Variants in ASB3 observed in about 807,000 individuals in gnomAD.
ASB3 encodes ankyrin repeat and SOCS box containing 3.
A neutral mutation model predicts 54.5 loss-of-function variants in ASB3; 41 were observed. The ratio of observed to expected loss-of-function variants is 0.75; its 90% CI spans 0.59 to 0.98. ASB3 has a LOEUF of 0.98. Ranked by LOEUF, ASB3 falls within the 50% of genes least tolerant of loss-of-function variation. ASB3 has a pLI of 0.00. For synonymous variants in ASB3, 266 were observed against 221.2 expected, an observed-to-expected ratio of 1.20 and a Z score of -1.80; for missense variants, 733 against 620.0, an observed-to-expected ratio of 1.18 and a Z score of -1.94.
intron 1 of ASB3, among the ~76,000 whole-genome samples, chr2:53,765,944 T>C (rs572802564): frequency 3.0e-4 from 40 of 132,762 alleles, no homozygotes; most frequent in Admixed American, 2.9e-4. Context: ...TGGTGCTCCA[T>C]TGATAAGAGC....
chr2:53,699,047 T>G lies in ASB3; in HGVS notation c.1238+1224A>C, dbSNP rs1669339625. Reference sequence around the variant, plus strand: ...TGGGTAATTTATAAAGAAAGTACATTTATTTCTTACAGTTCTGGAGACTGG... The same window carrying G: ...TGGGTAATTTATAAAGAAAGTACATGTATTTCTTACAGTTCTGGAGACTGG... On this transcript the variant is annotated intron_variant, in intron 8 of 9. Coordinates refer to ENST00000263634, the MANE Select transcript of ASB3 (RefSeq NM_016115.5). 2.0e-5 allele frequency among the ~76,000 whole-genome samples: 3 copies of G among 152,190 alleles called. No homozygotes were observed. In the South Asian group the frequency reaches 6.2e-4, roughly 32 times the overall value.
intron 9 of ASB3, among the ~76,000 whole-genome samples, chr2:53,683,382 T>C (rs988284215): frequency 1.3e-5 from 2 of 152,030 alleles, no homozygotes; most frequent in East Asian, 1.9e-4. Flanking sequence ...TTTTGTTGAG[T>C]ATCAATATTC....
At chr2:53,783,169 ATAAATATT>A (rs1258981014) in intron 1 of ASB3, among the ~76,000 whole-genome samples, 2 of 152,264 alleles carry the variant, frequency 1.3e-5, no homozygotes, top group Admixed American at 6.5e-5. Context: ...GGAATGGGAC[ATAAATATT>A]TAAAAGTTAT....
chr2:53,755,973 T>A lies in ASB3; in HGVS notation c.197-5032A>T, dbSNP rs553736932. On this transcript the variant is annotated intron_variant, in intron 2 of 9. Coordinates refer to ENST00000263634, the MANE Select transcript of ASB3 (RefSeq NM_016115.5). ...TTTGAGACCAACCTGGACAAAATAG[T>A]AAGACCCCCCCCCCACCTCTACAAA... 1.3e-3 allele frequency among the ~76,000 whole-genome samples: 187 copies of A among 141,084 alleles called. 2 individuals are homozygous for A. Among genetic ancestry groups the A allele is most frequent in the African/African-American group, 4.9e-3 (187 of 38,216 alleles). The allele number at this position is 141,084 out of a possible 152,430, so 92.6% of individuals were successfully genotyped here.
chr2:53,734,545 C>T (rs1189219043), intron 3 of ASB3, among the ~76,000 whole-genome samples: 1 of 152,172 alleles, frequency 6.6e-6, no homozygotes, highest in Non-Finnish European at 1.5e-5. Flanking sequence ...ACTAGAGATA[C>T]AGAAGTGAAC....
At chr2:53,759,916 T>C (rs1673050222) in intron 2 of ASB3, among the ~76,000 whole-genome samples, 1 of 152,068 alleles carries the variant, frequency 6.6e-6, no homozygotes, top group Admixed American at 6.6e-5. Flanking sequence ...GTATGCTTGA[T>C]CATTGAGGGC....
chr2:53,750,760 T>G lies in ASB3; in HGVS notation c.355+23A>C, dbSNP rs370379125. The G allele has an allele frequency of 2.7e-6, 4 of 1,471,004 alleles. No homozygotes were observed. The African/African-American group carries it at 5.8e-5, about 21-fold the overall frequency. 91.1% of individuals were successfully genotyped at this position (1,471,004 alleles called of 1,614,324 possible). A position where few individuals can be genotyped will look rare whatever the true frequency, so the allele number is the denominator to read the frequency against. On this transcript the variant is annotated intron_variant, in intron 3 of 9. Transcript: ENST00000263634. The stretch of plus-strand genomic sequence containing the variant: ...AATAATAATGATGAAAAATTGCATC[T>G]GCACCACAAATAGCATACTTACCTA...
At chr2:53,746,427 C>T (rs1263934097) in intron 3 of ASB3, among the ~76,000 whole-genome samples, 1 of 151,884 alleles carries the variant, frequency 6.6e-6, no homozygotes, top group African/African-American at 2.4e-5. Context: ...TTTTTCCATA[C>T]ACAACACTGA....
At chr2:53,728,963 GA>G in intron 4 of ASB3, 116 bp from the exon 5 acceptor site, 1 of 1,229,814 alleles carries the variant, frequency 8.1e-7, no homozygotes, top group Admixed American at 2.8e-5. Context: ...TAACTTGAAG[GA>G]AAAAACAAAA....
At chr2:53,708,750 A>G (rs961809264) in intron 7 of ASB3, among the ~76,000 whole-genome samples, 2 of 152,176 alleles carry the variant, frequency 1.3e-5, no homozygotes, top group African/African-American at 4.8e-5. Context: ...TTAGCAAAGA[A>G]CCTGAATGCA....
At chr2:53,769,772 G>A (rs970568586) in intron 1 of ASB3, among the ~76,000 whole-genome samples, 8 of 152,154 alleles carry the variant, frequency 5.3e-5, no homozygotes, top group East Asian at 1.9e-4. Flanking sequence ...CGCTTGGGAG[G>A]CAGACGTTGC....
At chr2:53,687,986 T>C (rs546418066) in intron 9 of ASB3, among the ~76,000 whole-genome samples, 4 of 152,066 alleles carry the variant, frequency 2.6e-5, no homozygotes, top group African/African-American at 9.7e-5. Flanking sequence ...TCTGGCTAAT[T>C]TTCTTATTTT....
chr2:53,731,905 G>A lies in ASB3; in HGVS notation c.356-2335C>T, dbSNP rs147379223. On this transcript the variant is annotated intron_variant, in intron 3 of 9. Coordinates refer to ENST00000263634, the MANE Select transcript of ASB3 (RefSeq NM_016115.5). Reference sequence around the variant, plus strand: ...TGACCTCAGGTGATCCACCAGCCTCGGCCTCCCAAAGTGCTGGGATTACAG... The same window carrying A: ...TGACCTCAGGTGATCCACCAGCCTCAGCCTCCCAAAGTGCTGGGATTACAG... 7.1e-3 allele frequency among the ~76,000 whole-genome samples: 1,067 copies of A among 150,750 alleles called. 12 individuals are homozygous for A. The highest frequency in any genetic ancestry group is 0.024 in the African/African-American group (992 of 40,980).
chr2:53,675,193 C>T (rs1163447585), intron 9 of ASB3, among the ~76,000 whole-genome samples: 2 of 152,098 alleles, frequency 1.3e-5, no homozygotes, highest in East Asian at 1.9e-4. Flanking sequence ...AGTGAAACAC[C>T]ACACAAATCC....
chr2:53,682,637 C>T (rs535212760), intron 9 of ASB3, among the ~76,000 whole-genome samples: 7 of 152,008 alleles, frequency 4.6e-5, no homozygotes, highest in South Asian at 2.1e-4. Context: ...CCACCACGCC[C>T]GGCTAATTTT....
intron 3 of ASB3, among the ~76,000 whole-genome samples, chr2:53,738,158 C>A (rs1234030903): frequency 6.6e-6 from 1 of 152,118 alleles, no homozygotes; most frequent in Non-Finnish European, 1.5e-5. Context: ...ATCACCTAAT[C>A]AATGGAGGAT....
intron 6 of ASB3, among the ~76,000 whole-genome samples, chr2:53,715,718 A>G (rs1670348515): frequency 1.3e-5 from 2 of 152,206 alleles, no homozygotes; most frequent in Admixed American, 1.3e-4. Context: ...ACTCTCCCAC[A>G]AGACATAAAC....
chr2:53,683,943 A>G (rs1486794664), intron 9 of ASB3, among the ~76,000 whole-genome samples: 1 of 151,886 alleles, frequency 6.6e-6, no homozygotes, highest in African/African-American at 2.4e-5. Context: ...CTTTGCTTCA[A>G]TTTCATTTAT....
chr2:53,774,516 T>G, intron 1 of ASB3: 1 of 1,536,202 alleles, frequency 6.5e-7, no homozygotes, highest in African/African-American at 1.4e-5. Context: ...AGAACCTCAA[T>G]TGCATATAAT....
Sources: allele counts gnomAD v4.1 joint callset (sites outside exome capture counted in the v4.1 genomes callset), GRCh38; gene constraint gnomAD v4.1.1; transcripts MANE v1.5; gene names NCBI Gene and HGNC (gene_info 2026-07-23, HGNC 2026-07-21).